Variants in BRINP3 observed in about 807,000 individuals in gnomAD.
BRINP3 encodes the protein BMP/retinoic acid inducible neural specific 3, also known as BMP/retinoic acid-inducible neural-specific protein 3.
BRINP3 carries 19 observed loss-of-function variants against 71.0 expected under a neutral mutation model. The ratio of observed to expected loss-of-function variants is 0.27; its 90% CI spans 0.19 to 0.39. BRINP3 has a LOEUF of 0.39. Among genes scored for constraint, BRINP3 ranks in the 10% least tolerant of loss-of-function variants. The probability of loss-of-function intolerance (pLI) is 1.00; values close to 1 mark genes in which losing one functional copy is unlikely to be tolerated. For missense variants in BRINP3, 959 were observed against 940.8 expected (o/e 1.02, Z -0.25); for synonymous variants, 380 against 337.7 (o/e 1.13, Z -1.37).
chr1:190,457,214 G>A lies in BRINP3; in HGVS notation c.-50-2274C>T, dbSNP rs1438164409. On this transcript the variant is annotated intron_variant, in intron 1 of 7. Coordinates refer to ENST00000367462, the MANE Select transcript of BRINP3 (RefSeq NM_199051.3). ...CCCAGCACTTTGGGAGGCCGAGGAG[G>A]GCGGATCACCTGAGGTTGGGAGTTC... 5.3e-5 allele frequency among the ~76,000 whole-genome samples: 8 copies of A among 152,246 alleles called. No homozygotes were observed. In the East Asian group the frequency reaches 9.7e-4, roughly 18 times the overall value.
intron 2 of BRINP3, among the ~76,000 whole-genome samples, chr1:190,284,045 A>T (rs1044781637): frequency 6.6e-6 from 1 of 152,018 alleles, no homozygotes; most frequent in African/African-American, 2.4e-5. Flanking sequence ...GTAATATTTT[A>T]TATCCTGTAT....
In BRINP3 at chr1:190,126,402, G is replaced by A. The variant is rs368973667; in HGVS notation, c.1185-27268C>T. ...CACATTCCCACTTGACCTCCACCAT[G>A]GTATGCTTTGACTGTCTTTCCTCTG... On this transcript the variant is annotated intron_variant, in intron 7 of 7. Coordinates refer to ENST00000367462, the MANE Select transcript of BRINP3 (RefSeq NM_199051.3). 8.6e-5 allele frequency among the ~76,000 whole-genome samples: 13 copies of A among 151,880 alleles called. No homozygotes were observed. In the South Asian group the frequency reaches 2.5e-3, roughly 29 times the overall value.
At chr1:190,446,157 A>G (rs1395066542) in intron 2 of BRINP3, among the ~76,000 whole-genome samples, 3 of 152,030 alleles carry the variant, frequency 2.0e-5, no homozygotes, top group African/African-American at 4.8e-5. Flanking sequence ...GCAACTGTAT[A>G]TTTCATTTGT....
At chr1:190,353,400 A>G (rs1668527604) in intron 2 of BRINP3, among the ~76,000 whole-genome samples, 1 of 152,074 alleles carries the variant, frequency 6.6e-6, no homozygotes, top group Non-Finnish European at 1.5e-5. Flanking sequence ...GAAAGTGAGA[A>G]GATGCTAGAA....
chr1:190,358,366 A>C (rs561552510), intron 2 of BRINP3, among the ~76,000 whole-genome samples: 13 of 152,236 alleles, frequency 8.5e-5, no homozygotes, highest in East Asian at 7.7e-4. Flanking sequence ...TGAACAGACA[A>C]TTCTCAAAAG....
intron 2 of BRINP3, among the ~76,000 whole-genome samples, chr1:190,422,518 T>C (rs1673451722): frequency 6.6e-6 from 1 of 151,750 alleles, no homozygotes; most frequent in Non-Finnish European, 1.5e-5. Flanking sequence ...ATGACACATT[T>C]AGGACATATG....
chr1:190,415,623 G>A (rs1310489376), intron 2 of BRINP3, among the ~76,000 whole-genome samples: 1 of 152,142 alleles, frequency 6.6e-6, no homozygotes, highest in African/African-American at 2.4e-5. Context: ...AAAATCTTCA[G>A]CTGGGCACAG....
chr1:190,146,130 A>G (rs1282767097), intron 7 of BRINP3, among the ~76,000 whole-genome samples: 1 of 152,134 alleles, frequency 6.6e-6, no homozygotes, highest in Non-Finnish European at 1.5e-5. Flanking sequence ...TGAGTGCTCT[A>G]AACCCTCAGA....
chr1:190,305,596 G>A (rs753060694), intron 2 of BRINP3, among the ~76,000 whole-genome samples: 1 of 151,536 alleles, frequency 6.6e-6, no homozygotes, highest in African/African-American at 2.4e-5. Context: ...GAGAAGAGGG[G>A]GAGATGGGGG....
intron 4 of BRINP3, among the ~76,000 whole-genome samples, chr1:190,261,359 T>C (rs1661169673): frequency 2.0e-5 from 3 of 152,136 alleles, no homozygotes; most frequent in Non-Finnish European, 4.4e-5. Flanking sequence ...TAAAATTTGA[T>C]ATAAACACTA....
intron 1 of BRINP3, among the ~76,000 whole-genome samples, chr1:190,475,559 C>T (rs556608584): frequency 1.3e-5 from 2 of 152,292 alleles, no homozygotes; most frequent in South Asian, 2.1e-4. Context: ...CCCACATCAA[C>T]ACCAAGCCTG....
intron 1 of BRINP3, among the ~76,000 whole-genome samples, chr1:190,474,981 A>G (rs1677407568): frequency 6.6e-6 from 1 of 152,024 alleles, no homozygotes. Context: ...TAAAGTGGGT[A>G]TAATATAAGC....
chr1:190,299,669 T>G (rs1273892255), intron 2 of BRINP3, among the ~76,000 whole-genome samples: 1 of 147,068 alleles, frequency 6.8e-6, no homozygotes, highest in African/African-American at 2.5e-5. Context: ...CACCTATGAG[T>G]GAGAATATGC....
chr1:190,303,281 A>T (rs1177881763), intron 2 of BRINP3, among the ~76,000 whole-genome samples: 2 of 151,800 alleles, frequency 1.3e-5, no homozygotes, highest in East Asian at 3.9e-4. Flanking sequence ...TCTTATAGTG[A>T]TAATTTAAAT....
intron 2 of BRINP3, among the ~76,000 whole-genome samples, chr1:190,364,491 G>T (rs890979248): frequency 2.6e-5 from 4 of 151,906 alleles, no homozygotes. Flanking sequence ...CAGGAACTTG[G>T]CAATCAAAAG....
chr1:190,137,951 T>C lies in BRINP3; in HGVS notation c.1184+22717A>G, dbSNP rs183167563. Reference sequence around the variant, plus strand: ...AGAAATTATGAAAAGACTTCCTAGTTTTTTTTTTTTGTTTGTATTTTAGAT... The same window carrying C: ...AGAAATTATGAAAAGACTTCCTAGTCTTTTTTTTTTGTTTGTATTTTAGAT... On this transcript the variant is annotated intron_variant, in intron 7 of 7. Transcript: ENST00000367462. Among the ~76,000 whole-genome samples, 613 of 149,192 alleles carry C rather than the reference T, an allele frequency of 4.1e-3. 4 individuals are homozygous for C. The highest frequency in any genetic ancestry group is 0.015 in the African/African-American group (591 of 40,400).
intron 2 of BRINP3, among the ~76,000 whole-genome samples, chr1:190,389,512 A>G (rs1262356678): frequency 6.6e-6 from 1 of 151,850 alleles, no homozygotes; most frequent in Non-Finnish European, 1.5e-5. Context: ...TGTGGTAAAT[A>G]ATATGTCCAA....
intron 7 of BRINP3, among the ~76,000 whole-genome samples, chr1:190,151,491 G>A (rs1359677803): frequency 1.3e-5 from 2 of 152,070 alleles, no homozygotes; most frequent in Non-Finnish European, 2.9e-5. Flanking sequence ...TCTCTCATAT[G>A]TAAGTTCATG....
At chr1:190,357,227 T>A (rs1668791371) in intron 2 of BRINP3, among the ~76,000 whole-genome samples, 1 of 152,028 alleles carries the variant, frequency 6.6e-6, no homozygotes, top group South Asian at 2.1e-4. Context: ...GCATCTTTTT[T>A]AAAAAGACAT....
Sources: allele counts gnomAD v4.1 joint callset (sites outside exome capture counted in the v4.1 genomes callset), GRCh38; gene constraint gnomAD v4.1.1; transcripts MANE v1.5; gene names NCBI Gene and HGNC (gene_info 2026-07-23, HGNC 2026-07-21).